MTMR3: variants seen among roughly 807,000 people sequenced by gnomAD.
MTMR3 encodes the protein myotubularin related protein 3.
A neutral mutation model predicts 132.4 loss-of-function variants in MTMR3; 32 were observed. The ratio of observed to expected loss-of-function variants is 0.24; its 90% CI spans 0.18 to 0.32. The LOEUF (loss-of-function observed/expected upper bound fraction) is 0.32. Ranked by LOEUF, MTMR3 falls within the 10% of genes least tolerant of loss-of-function variation. MTMR3 has a pLI of 1.00. For missense variants in MTMR3, 1,216 were observed against 1,489.6 expected, an observed-to-expected ratio of 0.82 and a Z score of 3.02; for synonymous variants, 556 against 550.3, an observed-to-expected ratio of 1.01 and a Z score of -0.14.
intron 1 of MTMR3, among the ~76,000 whole-genome samples, chr22:29,950,340 A>G (rs1007803649): frequency 6.6e-6 from 1 of 151,558 alleles, no homozygotes; most frequent in African/African-American, 2.4e-5. Context: ...GAGATAGGGA[A>G]CATTTCTGTT....
At chr22:29,886,988 A>G (rs2064690375) in intron 1 of MTMR3, among the ~76,000 whole-genome samples, 1 of 152,220 alleles carries the variant, frequency 6.6e-6, no homozygotes, top group Non-Finnish European at 1.5e-5. Flanking sequence ...GATTTAAGTT[A>G]TAAGATGATA....
intron 19 of MTMR3, chr22:30,023,468 G>A (rs755212804): frequency 2.9e-5 from 47 of 1,614,122 alleles, no homozygotes; most frequent in Middle Eastern, 1.6e-4. Context: ...GACACTGACC[G>A]TGTTGATCAA....
intron 7 of MTMR3, chr22:29,998,448 G>T (rs1286662322): frequency 1.2e-5 from 2 of 164,388 alleles, no homozygotes; most frequent in African/African-American, 4.8e-5. Context: ...TTCGAGACCA[G>T]CCTGGCCCAT....
At chr22:29,916,266 A>G (rs2065306025) in intron 1 of MTMR3, among the ~76,000 whole-genome samples, 1 of 152,184 alleles carries the variant, frequency 6.6e-6, no homozygotes, top group Non-Finnish European at 1.5e-5. Context: ...AAACTCTGGT[A>G]GTTGTGTTTA....
chr22:30,009,859 TG>T (rs1331206237), intron 12 of MTMR3: 1 of 152,240 alleles, frequency 6.6e-6, no homozygotes, highest in Non-Finnish European at 1.5e-5. Context: ...TTCTTTTTTC[TG>T]GTATTTGTGC....
intron 1 of MTMR3, among the ~76,000 whole-genome samples, chr22:29,936,005 GC>G (rs942737792): frequency 4.5e-4 from 68 of 150,240 alleles, no homozygotes; most frequent in African/African-American, 1.6e-3. Flanking sequence ...GCCCTCTTTG[GC>G]CTCCCAAAGT....
At chr22:29,943,796 C>G (rs2065903346) in intron 1 of MTMR3, among the ~76,000 whole-genome samples, 1 of 142,114 alleles carries the variant, frequency 7.0e-6, no homozygotes, top group Admixed American at 7.1e-5. Flanking sequence ...CCCCCAATGC[C>G]AGCTCCTTCA....
At chr22:29,949,136 CA>C (rs2066015220) in intron 1 of MTMR3, among the ~76,000 whole-genome samples, 1 of 40,438 alleles carries the variant, frequency 2.5e-5, no homozygotes, top group African/African-American at 1.3e-4. Context: ...CACACACACA[CA>C]CACACACCCC....
intron 5 of MTMR3, 193 bp downstream of exon 5, chr22:29,979,245 C>A: frequency 2.4e-6 from 1 of 417,524 alleles, no homozygotes; most frequent in South Asian, 2.4e-5. Context: ...GTAATCCCAG[C>A]ACTTTGGGAG....
intron 1 of MTMR3, among the ~76,000 whole-genome samples, chr22:29,888,676 A>T (rs1383133892): frequency 6.6e-6 from 1 of 151,576 alleles, no homozygotes; most frequent in African/African-American, 2.4e-5. Flanking sequence ...ATAACTACGG[A>T]TATTCAGAAT....
intron 16 of MTMR3, chr22:30,019,151 C>G (rs1381990917): frequency 5.0e-6 from 1 of 200,846 alleles, no homozygotes; most frequent in Admixed American, 5.3e-5. Flanking sequence ...TTGCAGTGAG[C>G]TGAGATCCGC....
chr22:29,894,664 T>C (rs2064860314), intron 1 of MTMR3, among the ~76,000 whole-genome samples: 2 of 152,128 alleles, frequency 1.3e-5, no homozygotes, highest in Admixed American at 6.6e-5. Context: ...TATAGGCTTA[T>C]TGGAGTTTTG....
chr22:29,962,729 T>C (rs1305292221), intron 2 of MTMR3, among the ~76,000 whole-genome samples: 1 of 152,076 alleles, frequency 6.6e-6, no homozygotes, highest in East Asian at 1.9e-4. Flanking sequence ...CCGTCGGTCT[T>C]TCCCAGCTCC....
At position 29,950,212 on chromosome 22, in the gene MTMR3, G is replaced by A. The variant is rs114188225; in HGVS notation, c.-137-6824G>A. Among the ~76,000 whole-genome samples the A allele has an allele frequency of 7.3e-3, 1,114 of 152,162 alleles. 10 individuals carry two copies. Among genetic ancestry groups the A allele is most frequent in the African/African-American group, 0.025 (1,051 of 41,482 alleles). ...GCACTTAGATAAAATGATTCTGCGT[G>A]GCTTTAAACTCAGTTAATTTCTAAT... On this transcript the variant is annotated intron_variant, in intron 1 of 19. Transcript: ENST00000401950.
rs1011689724 is a variant in MTMR3 at position 30,027,704 on chromosome 22, C to T, written c.*1903C>T. ...TATTTTCCTTTGTTAAAGGAGGAAC[C>T]GTAACTCTCCATAGCTGTACATATA... On this transcript the variant is annotated 3_prime_UTR_variant, in exon 20 of 20. Transcript: ENST00000401950. The T allele has an allele frequency of 6.5e-6, 1 of 152,674 alleles. No individual in the cohort carries two copies. The highest frequency in any genetic ancestry group is 1.5e-5 in the Non-Finnish European group (1 of 68,024). The allele number at this position is 152,674 out of a possible 1,614,324, so 9.5% of individuals were successfully genotyped here.
At position 30,029,382 on chromosome 22, in the gene MTMR3, A is replaced by G. The variant is rs543354071; in HGVS notation, c.*3581A>G. ...GGATGTACAGAAAAGTTTTCCTGTAATAATTTTGCTTATATGCTAACTCTT... is the reference window on the plus strand; with the variant it reads ...GGATGTACAGAAAAGTTTTCCTGTAGTAATTTTGCTTATATGCTAACTCTT... On this transcript the variant is annotated 3_prime_UTR_variant, in exon 20 of 20. Coordinates refer to ENST00000401950, the MANE Select transcript of MTMR3 (RefSeq NM_021090.4). 2 of 152,482 alleles carry G rather than the reference A, an allele frequency of 1.3e-5. No individual in the cohort carries two copies. The highest frequency in any genetic ancestry group is 4.8e-5 in the African/African-American group (2 of 41,582). 9.4% of individuals were successfully genotyped at this position (152,482 alleles called of 1,614,324 possible).
At chr22:29,964,854 T>TTAC (rs2066382995) in intron 2 of MTMR3, among the ~76,000 whole-genome samples, 1 of 152,222 alleles carries the variant, frequency 6.6e-6, no homozygotes. Flanking sequence ...TATTTTAAAC[T>TTAC]TACTACTATT....
At chr22:30,003,670 T>C (rs1196854533) in intron 9 of MTMR3, 2 of 152,176 alleles carry the variant, frequency 1.3e-5, no homozygotes, top group Admixed American at 1.3e-4. Context: ...ATGGTAGTTC[T>C]TATTTTGTAG....
At chr22:29,960,795 T>C (rs2066296144) in intron 2 of MTMR3, among the ~76,000 whole-genome samples, 2 of 152,184 alleles carry the variant, frequency 1.3e-5, no homozygotes, top group Non-Finnish European at 2.9e-5. Context: ...TTTACATTCC[T>C]GATTGTTTTT....
Sources: allele counts gnomAD v4.1 joint callset (sites outside exome capture counted in the v4.1 genomes callset), GRCh38; gene constraint gnomAD v4.1.1; transcripts MANE v1.5; gene names NCBI Gene and HGNC (gene_info 2026-07-23, HGNC 2026-07-21).